Variants in TRRAP observed in about 807,000 individuals in gnomAD.
The protein encoded by TRRAP is transformation/transcription domain associated protein, also known as transformation/transcription domain-associated protein.
In TRRAP, 41 loss-of-function variants were observed where a neutral mutation model predicts 438.8. That is an observed-to-expected ratio of 0.09 (90% CI 0.07 to 0.12). TRRAP has a LOEUF of 0.12. TRRAP is among the 10% of genes least tolerant of loss of function. The probability of loss-of-function intolerance (pLI) is 1.00; values close to 1 mark genes in which losing one functional copy is unlikely to be tolerated. For missense variants in TRRAP, 3,122 were observed against 5,055.1 expected (o/e 0.62, Z 11.60); for synonymous variants, 1,994 against 1,962.9 (o/e 1.02, Z -0.42).
intron 63 of TRRAP, 89 bp downstream of exon 63, chr7:98,989,055 C>T (rs1275041247): frequency 2.5e-5 from 34 of 1,365,118 alleles, no homozygotes; most frequent in East Asian, 2.2e-4. Flanking sequence ...TCATCCGTGC[C>T]GGGTGTGAGG....
intron 1 of TRRAP, among the ~76,000 whole-genome samples, chr7:98,879,182 G>A (rs1001254711): frequency 2.0e-5 from 3 of 152,190 alleles, no homozygotes; most frequent in African/African-American, 7.2e-5. Flanking sequence ...AGGAGTAGGA[G>A]CAGGCCCGGC....
intron 53 of TRRAP, 121 bp downstream of exon 53, chr7:98,972,066 G>T: frequency 7.4e-7 from 1 of 1,351,522 alleles, no homozygotes. Flanking sequence ...TTTTTGAGAT[G>T]GGATGTTGCT....
At chr7:98,983,588 T>C in intron 60 of TRRAP, 129 bp downstream of exon 60, 1 of 1,044,380 alleles carries the variant, frequency 9.6e-7, no homozygotes, top group African/African-American at 1.6e-5. Flanking sequence ...TATTTTGGGG[T>C]AGGGAATGAC....
At chr7:98,913,487 C>T (rs1186213301) in intron 18 of TRRAP, among the ~76,000 whole-genome samples, 2 of 151,954 alleles carry the variant, frequency 1.3e-5, no homozygotes, top group African/African-American at 2.4e-5. Flanking sequence ...TGGGGTTTCA[C>T]CATGTTGGCC....
In TRRAP at chr7:98,970,094, T is replaced by G. The variant is rs1471339013; in HGVS notation, c.7513-18T>G. Reference sequence around the variant, plus strand: ...ACGCGCATGCCTTGGGTCTGTCTCCTTTCCGCACCCCTTGCAGCTGCTTCT... The same window carrying G: ...ACGCGCATGCCTTGGGTCTGTCTCCGTTCCGCACCCCTTGCAGCTGCTTCT... On this transcript the variant is annotated intron_variant, in intron 51 of 72. Coordinates refer to ENST00000456197, the MANE Select transcript of TRRAP (RefSeq NM_001375524.1). 1 of 1,612,690 alleles carries G rather than the reference T, an allele frequency of 6.2e-7. No individual in the cohort carries two copies. Among genetic ancestry groups the G allele is most frequent in the Non-Finnish European group, 8.5e-7 (1 of 1,179,330 alleles).
chr7:98,970,150 C>G lies in TRRAP; in HGVS notation c.7551C>G (p.Gly2517=), dbSNP rs772595865. 6.8e-6 allele frequency: 11 copies of G among 1,613,788 alleles called. No homozygotes were observed. The highest frequency in any genetic ancestry group is 9.3e-6 in the Non-Finnish European group (11 of 1,179,992). ...LAVCEKSTPI[G]TSCQGAMLPS... ...TGTGTGAGAAGAGCACCCCCATTGGCACCAGCTGCCAAGGAGCCATGCTCC... is the reference window on the plus strand; with the variant it reads ...TGTGTGAGAAGAGCACCCCCATTGGGACCAGCTGCCAAGGAGCCATGCTCC... The change falls in exon 52 of 73, where the codon GGC becomes GGG. Residue 2517 remains glycine, a synonymous_variant. Transcript: ENST00000456197.
chr7:98,959,303 G>A, intron 44 of TRRAP, 41 bp from the exon 45 acceptor site: 2 of 1,606,968 alleles, frequency 1.2e-6, no homozygotes, highest in African/African-American at 1.3e-5. Context: ...TGTAAACTCG[G>A]ATGCAGTGAA....
rs373858240 is a variant in TRRAP, at chr7:98,967,172, G to A, written c.7298+10G>A. 6.5e-5 allele frequency: 104 copies of A among 1,611,626 alleles called. No homozygotes were observed. Among genetic ancestry groups the A allele is most frequent in the Non-Finnish European group, 7.0e-5 (83 of 1,179,118 alleles). On this transcript the variant is annotated intron_variant, in intron 50 of 72. Transcript: ENST00000456197. ...TTAACTATGTCTACAGGTAATTACA[G>A]CAATTAATCAAGTACTACATATATT...
chr7:98,976,983 G>A lies in TRRAP; in HGVS notation c.8292G>A (p.Glu2764=). The part of the protein sequence containing the change: ...SLAELYSLLQ[E]EDMWAGLWQK... ...CGGAGCTTTACTCCCTGTTACAAGA[G>A]GAAGATATGTGGGCTGGTCTGTGGC... The change falls in exon 56 of 73, where the codon GAG becomes GAA. Residue 2764 remains glutamate (E), a synonymous_variant. Transcript: ENST00000456197. The surrounding 1 kb of genome is among the most constrained non-coding windows in gnomAD (Gnocchi z 4.6). The A allele has an allele frequency of 1.9e-6, 3 of 1,614,208 alleles. No individual in the cohort carries two copies. The highest frequency in any genetic ancestry group is 2.5e-6 in the Non-Finnish European group (3 of 1,180,038).
chr7:98,925,225 C>T lies in TRRAP; in HGVS notation c.2937C>T (p.Asp979=), dbSNP rs1789992924. The T allele has an allele frequency of 6.2e-6, 10 of 1,614,160 alleles. No individual in the cohort carries two copies. In the East Asian group the frequency reaches 2.2e-4, roughly 36 times the overall value. ...CFLVAMMSLE[D]NKHALYQLLA... is the part of the protein sequence containing the mutation. ...TGGTGGCCATGATGAGCCTGGAGGA[C>T]AACAAGCACGCACTCTACCAGCTCC... Residue 979 remains aspartate, a synonymous_variant, in exon 22 of 73, where the codon GAC becomes GAT. Coordinates refer to ENST00000456197, the MANE Select transcript of TRRAP (RefSeq NM_001375524.1).
At chr7:98,892,046 G>T (rs2116304643) in intron 4 of TRRAP, among the ~76,000 whole-genome samples, 1 of 152,260 alleles carries the variant, frequency 6.6e-6, no homozygotes, top group South Asian at 2.1e-4. Flanking sequence ...AGCATTATGG[G>T]AGCTAATGCG....
chr7:98,959,930 G>A, intron 45 of TRRAP, among the ~76,000 whole-genome samples: 1 of 138,506 alleles, frequency 7.2e-6, no homozygotes. Context: ...GCAAGACCTG[G>A]TCTCTTAAAA....
intron 53 of TRRAP, among the ~76,000 whole-genome samples, chr7:98,973,011 A>G (rs1017596438): frequency 6.6e-6 from 1 of 151,926 alleles, no homozygotes; most frequent in Non-Finnish European, 1.5e-5. Flanking sequence ...ACAGGGTCTC[A>G]CTCTGTTGCT....
chr7:98,911,175 T>A lies in TRRAP; in HGVS notation c.1911T>A (p.Gly637=), dbSNP rs1789250641. 6.2e-7 allele frequency: 1 copy of A among 1,614,234 alleles called. No individual in the cohort carries two copies. Among genetic ancestry groups the A allele is most frequent in the Non-Finnish European group, 8.5e-7 (1 of 1,180,042 alleles). Residue 637 remains glycine, a synonymous_variant, in exon 17 of 73, where the codon GGT becomes GGA. Transcript: ENST00000456197. ...AGGAGGTATTGGAGCATTTCGCTGG[T>A]GTGTTCACAATGATGAACCCCTTAA... ...EEKEVLEHFA[G]VFTMMNPLTF... is the part of the protein sequence containing the mutation.
Position 98,908,255 on chromosome 7 carries a change from A to C in TRRAP, c.1116-473A>C, listed in dbSNP as rs986064185. 1.3e-5 allele frequency among the ~76,000 whole-genome samples: 2 copies of C among 152,186 alleles called. No individual in the cohort carries two copies. The highest frequency in any genetic ancestry group is 4.8e-5 in the African/African-American group (2 of 41,444). ...TGAGGACTGGGGCTCTACTTGGGTC[A>C]CTGGGGTGTCCCTGGCAGGCCCAGG... On this transcript the variant is annotated intron_variant, in intron 13 of 72. Coordinates refer to ENST00000456197, the MANE Select transcript of TRRAP (RefSeq NM_001375524.1). This position sits in a 1 kb window ranked among gnomAD's most constrained non-coding sequence, Gnocchi z 4.1.
intron 7 of TRRAP, 102 bp downstream of exon 7, chr7:98,895,922 G>T (rs1382046395): frequency 2.3e-6 from 2 of 868,908 alleles, no homozygotes; most frequent in African/African-American, 1.7e-5. Flanking sequence ...TGTGGGGAGG[G>T]TTTACTATTT....
chr7:98,991,415 T>G (rs1401987276), intron 64 of TRRAP, among the ~76,000 whole-genome samples: 2 of 152,226 alleles, frequency 1.3e-5, no homozygotes, highest in Non-Finnish European at 2.9e-5. Context: ...AGCGATGCCC[T>G]GGTTTTCCTT....
In TRRAP at chr7:98,930,114, G is replaced by A; in HGVS notation, c.3301G>A (p.Ala1101Thr). ...CATTGATGCAATTGCTATTTGTATG[G>A]CATATGAAGAAAAGGAGCTTTGCAA... ...VLIDAIAICM[A>T]YEEKELCKIG... The change falls in exon 24 of 73, where the codon GCA becomes ACA. Residue 1101 changes from alanine to threonine, a missense_variant. Coordinates refer to ENST00000456197, the MANE Select transcript of TRRAP (RefSeq NM_001375524.1). 1.2e-6 allele frequency: 2 copies of A among 1,614,188 alleles called. No homozygotes were observed. The highest frequency in any genetic ancestry group is 1.7e-6 in the Non-Finnish European group (2 of 1,180,038).
intron 30 of TRRAP, among the ~76,000 whole-genome samples, chr7:98,939,904 CAG>C (rs1488858015): frequency 6.6e-6 from 1 of 152,108 alleles, no homozygotes; most frequent in African/African-American, 2.4e-5. Flanking sequence ...ATTTTTGAGA[CAG>C]AGTATGGCTC....
Sources: allele counts gnomAD v4.1 joint callset (sites outside exome capture counted in the v4.1 genomes callset), GRCh38; gene constraint gnomAD v4.1.1; non-coding constraint Gnocchi (gnomAD v3.1); transcripts MANE v1.5; gene names NCBI Gene and HGNC (gene_info 2026-07-23, HGNC 2026-07-21).